PTPN9: variants seen among roughly 807,000 people sequenced by gnomAD.
PTPN9 encodes tyrosine-protein phosphatase non-receptor type 9.
PTPN9 carries 26 observed loss-of-function variants against 69.8 expected under a neutral mutation model. That is an observed-to-expected ratio of 0.37 (90% CI 0.27 to 0.52). The LOEUF (loss-of-function observed/expected upper bound fraction) is 0.52, where lower values mean the gene tolerates loss of function less well. PTPN9 is among the 20% of genes least tolerant of loss of function. PTPN9 has a pLI of 0.91. For missense variants in PTPN9, 549 were observed against 740.3 expected, an observed-to-expected ratio of 0.74 and a Z score of 3.00; for synonymous variants, 274 against 272.5, an observed-to-expected ratio of 1.01 and a Z score of -0.05.
At chr15:75,471,847 G>A (rs1487525372) in intron 10 of PTPN9, among the ~76,000 whole-genome samples, 1 of 151,868 alleles carries the variant, frequency 6.6e-6, no homozygotes, top group Non-Finnish European at 1.5e-5. Context: ...GGGAGGCGGA[G>A]GTTGCAGTGA....
At chr15:75,562,144 C>T (rs1380595362) in intron 1 of PTPN9, among the ~76,000 whole-genome samples, 1 of 152,160 alleles carries the variant, frequency 6.6e-6, no homozygotes, top group African/African-American at 2.4e-5. Context: ...TGACCCACTG[C>T]GCCTGGCCAA....
intron 1 of PTPN9, among the ~76,000 whole-genome samples, chr15:75,572,720 AAAAG>A (rs1200494487): frequency 1.4e-4 from 21 of 152,128 alleles, no homozygotes; most frequent in Non-Finnish European, 1.6e-4. Context: ...AAAAAAGAAA[AAAAG>A]AAAGAAAGAA....
intron 2 of PTPN9, among the ~76,000 whole-genome samples, chr15:75,526,026 C>T (rs1350664355): frequency 1.3e-5 from 2 of 150,618 alleles, no homozygotes; most frequent in Non-Finnish European, 3.0e-5. Flanking sequence ...TAAACAGTCT[C>T]ACTCTGTTGC....
chr15:75,473,897 A>G (rs2074582147), intron 9 of PTPN9, 130 bp from the exon 10 acceptor site: 2 of 685,096 alleles, frequency 2.9e-6, no homozygotes, highest in East Asian at 2.6e-5. Context: ...ATCTTTCCAC[A>G]TCCCTGCTAT....
intron 3 of PTPN9, among the ~76,000 whole-genome samples, chr15:75,523,806 A>G (rs1206181897): frequency 1.3e-5 from 2 of 152,210 alleles, no homozygotes; most frequent in East Asian, 3.8e-4. Flanking sequence ...CAATTATTCA[A>G]TTATCATTAG....
chr15:75,475,604 C>A (rs2074591710), intron 9 of PTPN9, among the ~76,000 whole-genome samples: 1 of 151,876 alleles, frequency 6.6e-6, no homozygotes, highest in African/African-American at 2.4e-5. Context: ...AAAAACGTAA[C>A]AACTCAAGAT....
intron 1 of PTPN9, among the ~76,000 whole-genome samples, chr15:75,565,317 T>C (rs2075122164): frequency 1.3e-5 from 2 of 152,046 alleles, no homozygotes; most frequent in Admixed American, 6.6e-5. Flanking sequence ...GTGACACATA[T>C]TTTCATAAAC....
chr15:75,542,985 G>C (rs573478784), intron 1 of PTPN9, among the ~76,000 whole-genome samples: 3 of 146,086 alleles, frequency 2.1e-5, no homozygotes, highest in African/African-American at 7.7e-5. Flanking sequence ...ATCTCCTAAT[G>C]CTATCCCTCC....
intron 8 of PTPN9, among the ~76,000 whole-genome samples, chr15:75,489,174 CA>C (rs35540489): frequency 0.016 from 998 of 64,212 alleles, 5 homozygotes; most frequent in African/African-American, 0.044. Context: ...GACTCCGTCT[CA>C]AAAAAAAAAA....
At chr15:75,558,360 A>C (rs938767179) in intron 1 of PTPN9, among the ~76,000 whole-genome samples, 40 of 150,906 alleles carry the variant, frequency 2.7e-4, no homozygotes, top group African/African-American at 9.7e-4. Flanking sequence ...TACAAAAATT[A>C]GCTGGGCGTG....
intron 12 of PTPN9, among the ~76,000 whole-genome samples, 194 bp from the exon 13 acceptor site, chr15:75,469,177 C>T (rs1261958204): frequency 1.3e-5 from 2 of 152,220 alleles, no homozygotes; most frequent in Non-Finnish European, 2.9e-5. Context: ...AATGAGAAGG[C>T]CTCTTATTTC....
chr15:75,469,041 C>G, intron 12 of PTPN9, 58 bp from the exon 13 acceptor site: 1 of 1,434,790 alleles, frequency 7.0e-7, no homozygotes, highest in Non-Finnish European at 9.6e-7. Context: ...CCTCCCTCTA[C>G]CAAATAACCC....
chr15:75,494,235 A>G (rs1277868778), intron 7 of PTPN9, among the ~76,000 whole-genome samples: 1 of 151,558 alleles, frequency 6.6e-6, no homozygotes, highest in Non-Finnish European at 1.5e-5. Context: ...TTTAAAACAC[A>G]GTGTAATAAG....
chr15:75,522,934 C>T (rs1053852663), intron 4 of PTPN9, among the ~76,000 whole-genome samples, 187 bp downstream of exon 4: 9 of 152,122 alleles, frequency 5.9e-5, no homozygotes, highest in South Asian at 2.1e-4. Context: ...GTAAAGAGAA[C>T]GCCCACCATC....
At chr15:75,568,730 T>C (rs1425994541) in intron 1 of PTPN9, among the ~76,000 whole-genome samples, 2 of 151,042 alleles carry the variant, frequency 1.3e-5, no homozygotes, top group African/African-American at 2.4e-5. Context: ...CCAGCCACTA[T>C]AGAGGCTGAG....
At chr15:75,524,777 CAAAAAAAAAAAAAAA>C (rs10699634) in intron 2 of PTPN9, among the ~76,000 whole-genome samples, 1 of 72,940 alleles carries the variant, frequency 1.4e-5, no homozygotes, top group East Asian at 6.4e-4. Context: ...GACTCTGTCT[CAAAAAAAAAAAAAAA>C]AAAAAAAAAG....
At chr15:75,498,342 A>C (rs1287998263) in intron 7 of PTPN9, among the ~76,000 whole-genome samples, 1 of 152,040 alleles carries the variant, frequency 6.6e-6, no homozygotes, top group Non-Finnish European at 1.5e-5. Context: ...GAAAGGACAA[A>C]ATTAGAGAAA....
chr15:75,543,610 C>G (rs1028548791), intron 1 of PTPN9, among the ~76,000 whole-genome samples: 4 of 152,160 alleles, frequency 2.6e-5, no homozygotes, highest in African/African-American at 9.7e-5. Flanking sequence ...AAATAAGAAA[C>G]TGGTAGCATC....
In PTPN9 at chr15:75,505,881, C is replaced by T; in HGVS notation, c.762G>A (p.Val254=). 6.2e-7 allele frequency: 1 copy of T among 1,614,096 alleles called. No homozygotes were observed. Among genetic ancestry groups the T allele is most frequent in the Admixed American group, 1.7e-5 (1 of 59,992 alleles). The part of the protein sequence containing the change: ...ATWNFQFLPQ[V]NGHPDPFDEI... ...CATCGAAGGGATCTGGGTGGCCGTT[C>T]ACCTGGGGTAGGAACTGGAAATTCC... Residue 254 remains valine (V), a synonymous_variant, in exon 7 of 13, where the codon GTG becomes GTA. Coordinates refer to ENST00000618819, the MANE Select transcript of PTPN9 (RefSeq NM_002833.4).
Sources: gnomAD v4.1 joint callset for allele counts (sites outside exome capture counted in the v4.1 genomes callset) on GRCh38, gnomAD v4.1.1 for gene constraint, MANE v1.5 for transcripts, NCBI Gene and HGNC (gene_info 2026-07-23, HGNC 2026-07-21) for gene names.